The following CCDC30 variants were observed in gnomAD, a reference collection of about 807,000 sequenced individuals.
CCDC30 encodes coiled-coil domain-containing protein 30.
In CCDC30, 70 loss-of-function variants were observed where a neutral mutation model predicts 100.2. That is an observed-to-expected ratio of 0.70 (90% CI 0.58 to 0.85). CCDC30 has a LOEUF of 0.85. CCDC30 is among the 40% of genes least tolerant of loss of function. The probability of loss-of-function intolerance (pLI) is 0.00; values close to 1 mark genes in which losing one functional copy is unlikely to be tolerated. For missense variants in CCDC30, 652 were observed against 771.2 expected (o/e 0.85, Z 1.83); for synonymous variants, 233 against 269.5 (o/e 0.86, Z 1.33).
intron 16 of CCDC30, 23 bp downstream of exon 20, chr1:42,653,466 A>C: frequency 1.4e-6 from 2 of 1,463,162 alleles, no homozygotes; most frequent in Non-Finnish European, 1.9e-6. Context: ...AAGACAAATA[A>C]AGTCAAGTCT....
chr1:42,461,802 T>C (rs113965539), upstream of CCDC30, among the ~76,000 whole-genome samples: 59,050 of 151,902 alleles, frequency 0.39, 11,983 homozygotes, highest in East Asian at 0.59. Flanking sequence ...GCCCCGGCCT[T>C]CCAAAGTGCT....
chr1:42,623,356 T>C (rs1646875684), intron 11 of CCDC30, among the ~76,000 whole-genome samples: 2 of 152,220 alleles, frequency 1.3e-5, no homozygotes, highest in Admixed American at 1.3e-4. Context: ...TATAGTACTC[T>C]TACACTTTGA....
intron 6 of CCDC30, among the ~76,000 whole-genome samples, chr1:42,538,594 A>T (rs1267763694): frequency 6.6e-6 from 1 of 152,172 alleles, no homozygotes; most frequent in Non-Finnish European, 1.5e-5. Context: ...CAACATAGCG[A>T]GACCGCATCA....
chr1:42,630,404 A>T (rs1395016433), intron 11 of CCDC30, among the ~76,000 whole-genome samples: 5 of 144,054 alleles, frequency 3.5e-5, no homozygotes, highest in Non-Finnish European at 6.0e-5. Context: ...TTTTTTTCAG[A>T]TGGAGTCTCG....
At chr1:42,615,804 G>A (rs1261816886) in intron 11 of CCDC30, among the ~76,000 whole-genome samples, 1 of 151,988 alleles carries the variant, frequency 6.6e-6, no homozygotes, top group Admixed American at 6.5e-5. Flanking sequence ...ACCTTGTTGG[G>A]GCAGCTTCAT....
Position 42,581,517 on chromosome 1 carries a change from A to G in CCDC30, c.1001+3A>G, listed in dbSNP as rs1338022338. The G allele has an allele frequency of 1.9e-6, 3 of 1,609,600 alleles. No individual in the cohort carries two copies. The African/African-American group carries it at 4.0e-5, about 22-fold the overall frequency. ...TATCAAGAAGAACAACAGAAGAGGT[A>G]AGAGGAGCAGAGATCTCAGTTTCCT... is the stretch of plus-strand genomic sequence containing the variant. On this transcript the variant is annotated splice_donor_region_variant and intron_variant, in intron 9 of 16. Transcript: ENST00000668663.
chr1:42,617,925 T>C (rs968220096), intron 11 of CCDC30, among the ~76,000 whole-genome samples: 1 of 152,196 alleles, frequency 6.6e-6, no homozygotes, highest in East Asian at 1.9e-4. Flanking sequence ...TCAAGTTTGT[T>C]TTGAAGTTAA....
intron 11 of CCDC30, among the ~76,000 whole-genome samples, chr1:42,625,224 T>A (rs1159349238): frequency 1.3e-5 from 2 of 152,134 alleles, no homozygotes; most frequent in African/African-American, 4.8e-5. Flanking sequence ...GTATTAGTTG[T>A]AATATCTCAT....
chr1:42,457,377 C>T, the CCDC30 span: 2 of 1,581,246 alleles, frequency 1.3e-6, no homozygotes, highest in South Asian at 2.2e-5. Flanking sequence ...TTCCAGAGAT[C>T]TAATCCCATA....
rs192240681 is a variant in CCDC30 at position 42,466,279 on chromosome 1, G to A, written c.-92+2381G>A. On this transcript the variant is annotated intron_variant, in intron 1 of 16. Transcript: ENST00000668663. ...TCAGAGGCAGGAGATGTGCTATGGC[G>A]TAAGATAGGGTCCTGGCCCCTGCAA... Among the ~76,000 whole-genome samples, 16 of 152,260 alleles carry A rather than the reference G, an allele frequency of 1.1e-4. 1 individual carries two copies. In the East Asian group the frequency reaches 1.9e-3, roughly 18 times the overall value.
At position 42,653,160 on chromosome 1, in the gene CCDC30, A is replaced by G. The variant is rs866420066; in HGVS notation, c.1855-216A>G. 8.6e-5 allele frequency among the ~76,000 whole-genome samples: 13 copies of G among 150,456 alleles called. No individual in the cohort carries two copies. In the South Asian group the frequency reaches 2.7e-3, roughly 31 times the overall value. On this transcript the variant is annotated intron_variant, in intron 15 of 16. Coordinates refer to ENST00000668663, the Ensembl canonical transcript of CCDC30. ...GTACCATGTGTGTAAAACTAGATAG[A>G]CAGATATAGATAGATCGTCTATAGA...
chr1:42,536,965 T>C, intron 6 of CCDC30: 1 of 354,440 alleles, frequency 2.8e-6, no homozygotes, highest in Non-Finnish European at 5.4e-6. Flanking sequence ...CATTTGACCT[T>C]TATCACCTCC....
intron 6 of CCDC30, among the ~76,000 whole-genome samples, chr1:42,514,045 C>A (rs1030264569): frequency 1.3e-5 from 2 of 152,124 alleles, no homozygotes; most frequent in African/African-American, 4.8e-5. Context: ...CCCACTAATG[C>A]CCCACCTCCA....
chr1:42,552,341 A>C (rs1416580856), intron 6 of CCDC30, among the ~76,000 whole-genome samples: 1 of 152,160 alleles, frequency 6.6e-6, no homozygotes, highest in East Asian at 1.9e-4. Flanking sequence ...CTGTACAGGC[A>C]CATCTCATGG....
intron 9 of CCDC30, among the ~76,000 whole-genome samples, chr1:42,582,178 C>A (rs950005803): frequency 6.6e-6 from 1 of 152,006 alleles, no homozygotes; most frequent in Non-Finnish European, 1.5e-5. Flanking sequence ...TGCAGTAAGC[C>A]ATGATTGAAA....
intron 10 of CCDC30, 113 bp from the exon 15 acceptor site, chr1:42,610,865 A>T (rs1646605989): frequency 1.8e-6 from 1 of 568,998 alleles, no homozygotes; most frequent in Non-Finnish European, 3.1e-6. Flanking sequence ...ATGATCTCAG[A>T]AGCAGGAGTG....
At chr1:42,646,338 C>T in intron 15 of CCDC30, 21 bp downstream of exon 19, 4 of 1,471,690 alleles carry the variant, frequency 2.7e-6, no homozygotes, top group African/African-American at 2.8e-5. Context: ...CCAACTTCCA[C>T]ATCCACAATA....
At chr1:42,471,813 A>G (rs1247972776) in intron 1 of CCDC30, among the ~76,000 whole-genome samples, 2 of 152,214 alleles carry the variant, frequency 1.3e-5, no homozygotes, top group Non-Finnish European at 2.9e-5. Context: ...TCATCTATAA[A>G]TACTGTTGAT....
upstream of CCDC30, chr1:42,459,462 G>C (rs948117197): frequency 1.4e-5 from 11 of 773,454 alleles, no homozygotes; most frequent in Non-Finnish European, 2.3e-5. Flanking sequence ...GTTCCCCTAA[G>C]ACTTTTTAAA....
Sources: gnomAD v4.1 joint callset for allele counts (sites outside exome capture counted in the v4.1 genomes callset) on GRCh38, gnomAD v4.1.1 for gene constraint, MANE v1.5 for transcripts, NCBI Gene and HGNC (gene_info 2026-07-23, HGNC 2026-07-21) for gene names.